PDE9A: variants seen among roughly 807,000 people sequenced by gnomAD.
PDE9A encodes the protein phosphodiesterase 9A.
A neutral mutation model predicts 87.4 loss-of-function variants in PDE9A; 60 were observed. The observed-to-expected ratio is 0.69, with a 90% CI of 0.56 to 0.85. The LOEUF (loss-of-function observed/expected upper bound fraction) is 0.85. PDE9A is among the 40% of genes least tolerant of loss of function. PDE9A has a pLI of 0.00. For missense variants in PDE9A, 665 were observed against 779.0 expected (o/e 0.85, Z 1.74); for synonymous variants, 272 against 279.4 (o/e 0.97, Z 0.27).
intron 6 of PDE9A, among the ~76,000 whole-genome samples, chr21:42,732,685 CG>C (rs2051937195): frequency 6.6e-6 from 1 of 152,156 alleles, no homozygotes; most frequent in Admixed American, 6.5e-5. Flanking sequence ...GAGGCGGAGG[CG>C]GGCAGATCAC....
intron 8 of PDE9A, among the ~76,000 whole-genome samples, chr21:42,746,921 C>T (rs995417202): frequency 1.5e-4 from 23 of 152,208 alleles, no homozygotes; most frequent in Non-Finnish European, 2.2e-4. Flanking sequence ...CTGGAGGCGA[C>T]GTTCTCGGCT....
At chr21:42,658,596 G>T (rs1412997494) in intron 1 of PDE9A, among the ~76,000 whole-genome samples, 1 of 152,180 alleles carries the variant, frequency 6.6e-6, no homozygotes, top group East Asian at 1.9e-4. Context: ...GCCCTTTCCT[G>T]TGGCTGCAGG....
chr21:42,686,355 G>C (rs1424038741), intron 2 of PDE9A, 93 bp downstream of exon 2: 12 of 980,344 alleles, frequency 1.2e-5, no homozygotes, highest in Non-Finnish European at 1.3e-5. Context: ...GCGCTGAAGG[G>C]CCCGAGGCAC....
At chr21:42,726,613 TATATATA>T (rs1569207285) in intron 4 of PDE9A, among the ~76,000 whole-genome samples, 13 of 28,450 alleles carry the variant, frequency 4.6e-4, no homozygotes, top group African/African-American at 1.7e-3. Flanking sequence ...TATATATATA[TATATATA>T]TATATTTTTT....
intron 3 of PDE9A, among the ~76,000 whole-genome samples, chr21:42,690,611 C>T (rs999526704): frequency 2.6e-5 from 4 of 152,004 alleles, no homozygotes; most frequent in Non-Finnish European, 4.4e-5. Flanking sequence ...CCTGCACCCC[C>T]GTCTCCTTTG....
intron 1 of PDE9A, among the ~76,000 whole-genome samples, chr21:42,664,578 G>C (rs2057833184): frequency 6.6e-6 from 1 of 152,050 alleles, no homozygotes; most frequent in African/African-American, 2.4e-5. Context: ...CCAGCACTCA[G>C]AGACATTTCT....
At chr21:42,756,518 G>T (rs895925619) in intron 10 of PDE9A, among the ~76,000 whole-genome samples, 1 of 152,260 alleles carries the variant, frequency 6.6e-6, no homozygotes, top group African/African-American at 2.4e-5. Context: ...CATGACTTCA[G>T]GCTGCTGTGT....
Position 42,769,164 on chromosome 21 carries a change from C to T in PDE9A, c.1590+9C>T. On this transcript the variant is annotated intron_variant, in intron 17 of 19. Coordinates refer to ENST00000291539, the MANE Select transcript of PDE9A (RefSeq NM_002606.3). ...TTGAAACAGTGACCAAGGTGAGTAA[C>T]TGTCACCACATGTCACACTTGCTTA... 1.2e-6 allele frequency: 2 copies of T among 1,611,628 alleles called. No individual in the cohort carries two copies. The highest frequency in any genetic ancestry group is 1.7e-6 in the Non-Finnish European group (2 of 1,178,324).
At chr21:42,767,245 TG>T (rs2056503057) in intron 15 of PDE9A, among the ~76,000 whole-genome samples, 1 of 151,884 alleles carries the variant, frequency 6.6e-6, no homozygotes, top group South Asian at 2.1e-4. Context: ...AGGTGTGAGG[TG>T]CAGGGAGTGT....
intron 1 of PDE9A, 125 bp downstream of exon 1, chr21:42,654,008 G>A (rs2056846289): frequency 4.2e-6 from 2 of 478,778 alleles, no homozygotes; most frequent in African/African-American, 2.1e-5. Flanking sequence ...CGCTCCGCCA[G>A]CTCTGGTCGG....
At chr21:42,684,715 G>GGGCCAGGACCAGTGCGAGCAT (rs2059351878) in intron 1 of PDE9A, among the ~76,000 whole-genome samples, 4 of 152,020 alleles carry the variant, frequency 2.6e-5, no homozygotes, top group Admixed American at 2.0e-4. Flanking sequence ...CGTGCGAGCA[G>GGGCCAGGACCAGTGCGAGCAT]GGCCAGGACC....
intron 1 of PDE9A, among the ~76,000 whole-genome samples, chr21:42,670,126 G>T (rs1396293012): frequency 6.6e-6 from 1 of 150,658 alleles, no homozygotes; most frequent in Non-Finnish European, 1.5e-5. Flanking sequence ...CACATTCACA[G>T]GCTCACACAT....
chr21:42,702,472 T>A lies in PDE9A; in HGVS notation c.262+3461T>A, dbSNP rs771927986. Among the ~76,000 whole-genome samples the A allele has an allele frequency of 2.0e-5, 3 of 152,234 alleles. No individual in the cohort carries two copies. Among genetic ancestry groups the A allele is most frequent in the Non-Finnish European group, 4.4e-5 (3 of 68,038 alleles). On this transcript the variant is annotated intron_variant, in intron 4 of 19. Coordinates refer to ENST00000291539, the MANE Select transcript of PDE9A (RefSeq NM_002606.3). The surrounding 1 kb of genome is among the most constrained non-coding windows in gnomAD (Gnocchi z 4.9). ...ATCCGAGTCTGTCTCTGTTGATTGA[T>A]TTATCTCCTGGGTATGGGTCATATT...
In PDE9A at chr21:42,719,498, G is replaced by A. The variant is rs143743310; in HGVS notation, c.263-12272G>A. 2.1e-3 allele frequency among the ~76,000 whole-genome samples: 300 copies of A among 141,622 alleles called. 2 individuals carry two copies. Among genetic ancestry groups the A allele is most frequent in the African/African-American group, 6.3e-3 (230 of 36,634 alleles). 92.9% of individuals were successfully genotyped at this position (141,622 alleles called of 152,430 possible). On this transcript the variant is annotated intron_variant, in intron 4 of 19. Transcript: ENST00000291539. ...AAAAAAAATTTTGAAAAAATTAGCC[G>A]GGTGTGGTGGTGCATACCTGTAATC...
At chr21:42,668,907 C>CCA (rs5844132) in intron 1 of PDE9A, among the ~76,000 whole-genome samples, 1 of 142,566 alleles carries the variant, frequency 7.0e-6, no homozygotes, top group Non-Finnish European at 1.5e-5. Context: ...CACCCCCCGC[C>CCA]ACGTCCCACG....
At chr21:42,751,269 C>G in intron 9 of PDE9A, 72 bp downstream of exon 9, 7 of 1,057,280 alleles carry the variant, frequency 6.6e-6, no homozygotes, top group Non-Finnish European at 1.0e-5. Context: ...TGTGGCCCTG[C>G]GGCCAGACCC....
At chr21:42,655,016 G>A (rs905709799) in intron 1 of PDE9A, among the ~76,000 whole-genome samples, 5 of 152,200 alleles carry the variant, frequency 3.3e-5, no homozygotes, top group African/African-American at 1.2e-4. Flanking sequence ...CTAGGCGTCT[G>A]CAATTGCATG....
At chr21:42,752,027 G>A (rs962788834) in intron 9 of PDE9A, among the ~76,000 whole-genome samples, 10 of 151,756 alleles carry the variant, frequency 6.6e-5, no homozygotes, top group Non-Finnish European at 1.3e-4. Flanking sequence ...CTGAGCCACC[G>A]CACCCGGCCC....
rs554310890 is a variant in PDE9A, at chr21:42,714,951, T to C, written c.262+15940T>C. 7.2e-5 allele frequency among the ~76,000 whole-genome samples: 11 copies of C among 152,160 alleles called. No individual in the cohort carries two copies. The East Asian group carries it at 2.1e-3, about 29-fold the overall frequency. On this transcript the variant is annotated intron_variant, in intron 4 of 19. Coordinates refer to ENST00000291539, the MANE Select transcript of PDE9A (RefSeq NM_002606.3). Reference sequence around the variant, plus strand: ...GGTTAGCTCTACCTGTCTTTGTTCATATGGTTGGGGTTAGCTCTACCAGCC... The same window carrying C: ...GGTTAGCTCTACCTGTCTTTGTTCACATGGTTGGGGTTAGCTCTACCAGCC...
Sources: allele counts gnomAD v4.1 joint callset (sites outside exome capture counted in the v4.1 genomes callset), GRCh38; gene constraint gnomAD v4.1.1; non-coding constraint Gnocchi (gnomAD v3.1); transcripts MANE v1.5; gene names NCBI Gene and HGNC (gene_info 2026-07-23, HGNC 2026-07-21).